ST3GAL3: variants seen among roughly 807,000 people sequenced by gnomAD.
ST3GAL3 encodes ST3 beta-galactoside alpha-2,3-sialyltransferase 3.
In ST3GAL3, 21 loss-of-function variants were observed where a neutral mutation model predicts 50.1. That is an observed-to-expected ratio of 0.42 (90% confidence interval 0.30 to 0.60). The LOEUF is 0.60. ST3GAL3 is among the 20% of genes least tolerant of loss of function. The pLI, the probability that ST3GAL3 is intolerant of heterozygous loss-of-function variation, is 0.19. For missense variants in ST3GAL3, 353 were observed against 489.4 expected (o/e 0.72, Z 2.63); for synonymous variants, 183 against 190.0 (o/e 0.96, Z 0.30).
At chr1:43,717,454 C>G (rs891622987) in intron 1 of ST3GAL3, among the ~76,000 whole-genome samples, 10 of 151,566 alleles carry the variant, frequency 6.6e-5, no homozygotes, top group Non-Finnish European at 1.0e-4. Flanking sequence ...GAAATAATAG[C>G]AAGGAAAGGG....
At chr1:43,766,646 G>C (rs1022904186) in intron 2 of ST3GAL3, among the ~76,000 whole-genome samples, 4 of 152,104 alleles carry the variant, frequency 2.6e-5, no homozygotes, top group Non-Finnish European at 5.9e-5. Context: ...GGGCAGAGTC[G>C]ATGACAGAAG....
intron 5 of ST3GAL3, among the ~76,000 whole-genome samples, chr1:43,871,363 C>G (rs1237944787): frequency 6.6e-6 from 1 of 152,120 alleles, no homozygotes; most frequent in African/African-American, 2.4e-5. Context: ...ACCTTTGAGA[C>G]TGAGACATGA....
intron 2 of ST3GAL3, among the ~76,000 whole-genome samples, chr1:43,771,345 G>T (rs1345247966): frequency 6.6e-6 from 1 of 151,308 alleles, no homozygotes; most frequent in Non-Finnish European, 1.5e-5. Context: ...AAATAAGCGA[G>T]ACTGTTGGGC....
chr1:43,812,904 AAACTT>A (rs1363039001), intron 3 of ST3GAL3, among the ~76,000 whole-genome samples: 2 of 152,210 alleles, frequency 1.3e-5, no homozygotes, highest in Non-Finnish European at 2.9e-5. Flanking sequence ...AAACAAAACA[AAACTT>A]AAGATGCCAT....
At chr1:43,818,064 A>G (rs2061639995) in intron 4 of ST3GAL3, among the ~76,000 whole-genome samples, 1 of 152,038 alleles carries the variant, frequency 6.6e-6, no homozygotes, top group South Asian at 2.1e-4. Flanking sequence ...TATAAATTTC[A>G]TATGTTTTGG....
At chr1:43,786,387 C>T (rs1213578238) in intron 2 of ST3GAL3, among the ~76,000 whole-genome samples, 1 of 152,140 alleles carries the variant, frequency 6.6e-6, no homozygotes, top group Admixed American at 6.5e-5. Context: ...GTGCTCTGTG[C>T]GCCAGCAACA....
intron 2 of ST3GAL3, among the ~76,000 whole-genome samples, chr1:43,779,947 G>A (rs569964166): frequency 6.6e-6 from 1 of 151,944 alleles, no homozygotes; most frequent in Admixed American, 6.6e-5. Context: ...AACTCTCTTT[G>A]GGAGCCTCTG....
intron 4 of ST3GAL3, among the ~76,000 whole-genome samples, chr1:43,816,531 C>T (rs1573507257): frequency 6.6e-6 from 1 of 152,090 alleles, no homozygotes; most frequent in East Asian, 1.9e-4. Context: ...AAGTATAAGC[C>T]GTAAGCAAGT....
intron 5 of ST3GAL3, among the ~76,000 whole-genome samples, chr1:43,866,660 A>G (rs1457659434): frequency 6.6e-6 from 1 of 152,106 alleles, no homozygotes; most frequent in African/African-American, 2.4e-5. Context: ...CAGAGGGAAT[A>G]CATAAACTGA....
At chr1:43,784,192 T>C (rs557616430) in intron 2 of ST3GAL3, among the ~76,000 whole-genome samples, 1 of 152,186 alleles carries the variant, frequency 6.6e-6, no homozygotes, top group Non-Finnish European at 1.5e-5. Flanking sequence ...TCCCAGTTTC[T>C]CCCAGCCAAA....
At chr1:43,724,922 G>T (rs1672201718) in intron 1 of ST3GAL3, among the ~76,000 whole-genome samples, 1 of 152,198 alleles carries the variant, frequency 6.6e-6, no homozygotes, top group Non-Finnish European at 1.5e-5. Flanking sequence ...GGTGGGATTA[G>T]AAGCCAGATC....
intron 5 of ST3GAL3, among the ~76,000 whole-genome samples, chr1:43,866,533 A>T (rs1407128096): frequency 1.3e-5 from 2 of 152,002 alleles, no homozygotes; most frequent in Non-Finnish European, 2.9e-5. Context: ...GCAGTGAGCC[A>T]TGATTGTGCC....
intron 2 of ST3GAL3, among the ~76,000 whole-genome samples, chr1:43,775,192 G>A (rs1359986052): frequency 6.6e-6 from 1 of 151,464 alleles, no homozygotes. Context: ...CTTCCTGATT[G>A]CCAGAACCTC....
At chr1:43,917,479 TATAA>T (rs2082045681) in intron 9 of ST3GAL3, among the ~76,000 whole-genome samples, 1 of 82,004 alleles carries the variant, frequency 1.2e-5, no homozygotes, top group Non-Finnish European at 2.3e-5. Flanking sequence ...ATATAATATA[TATAA>T]TATATAATAT....
intron 5 of ST3GAL3, among the ~76,000 whole-genome samples, chr1:43,857,980 T>G (rs369777931): frequency 3.3e-5 from 5 of 152,080 alleles, no homozygotes; most frequent in African/African-American, 9.7e-5. Flanking sequence ...TGTGACAAAA[T>G]AGAAATTTAA....
At chr1:43,803,373 CAA>C (rs139652535) in intron 3 of ST3GAL3, among the ~76,000 whole-genome samples, 93 of 134,502 alleles carry the variant, frequency 6.9e-4, no homozygotes, top group Admixed American at 6.7e-4. Context: ...GATCCCACCT[CAA>C]AAAAAAAAAA....
rs568911544 is a variant in ST3GAL3, at chr1:43,862,573, G to C, written c.302+24262G>C. Among the ~76,000 whole-genome samples, 3 of 152,086 alleles carry C rather than the reference G, an allele frequency of 2.0e-5. No homozygotes were observed. In the East Asian group the frequency reaches 5.8e-4, roughly 29 times the overall value. ...CAGGCCCACTGTGCAGCTGGGCCCA[G>C]CACTCTGGGCTTCCTTCCCAGGACC... On this transcript the variant is annotated intron_variant, in intron 5 of 11. Transcript: ENST00000347631.
intron 5 of ST3GAL3, chr1:43,842,737 C>G (rs931445276): frequency 7.2e-6 from 1 of 139,830 alleles, no homozygotes; most frequent in Non-Finnish European, 1.5e-5. Flanking sequence ...ACTTGGGAGG[C>G]GAAGGTTGTA....
intron 3 of ST3GAL3, among the ~76,000 whole-genome samples, chr1:43,812,219 TAC>T (rs1385938181): frequency 4.6e-5 from 7 of 151,578 alleles, no homozygotes; most frequent in Non-Finnish European, 8.9e-5. Flanking sequence ...TTAGAAATTT[TAC>T]CTTAAAAATC....
Sources: gnomAD v4.1 joint callset for allele counts (sites outside exome capture counted in the v4.1 genomes callset) on GRCh38, gnomAD v4.1.1 for gene constraint, MANE v1.5 for transcripts, NCBI Gene and HGNC (gene_info 2026-07-23, HGNC 2026-07-21) for gene names.